SEM1: variants seen among roughly 807,000 people sequenced by gnomAD.
The protein encoded by SEM1 is SEM1 26S proteasome subunit.
A neutral mutation model predicts 12.7 loss-of-function variants in SEM1; 3 were observed. That is an observed-to-expected ratio of 0.24 (90% CI 0.11 to 0.61). SEM1 has a LOEUF of 0.61. Ranked by LOEUF, SEM1 falls within the 20% of genes least tolerant of loss-of-function variation. The probability of loss-of-function intolerance (pLI) is 0.88; values close to 1 mark genes in which losing one functional copy is unlikely to be tolerated. For synonymous variants in SEM1, 30 were observed against 27.8 expected (o/e 1.08, Z -0.25); for missense variants, 59 against 81.3 (o/e 0.73, Z 1.06).
downstream of SEM1, among the ~76,000 whole-genome samples, chr7:96,684,067 CAGG>C (rs1258165321): frequency 6.6e-6 from 1 of 151,996 alleles, no homozygotes; most frequent in Non-Finnish European, 1.5e-5. Flanking sequence ...GCTTGTTTTA[CAGG>C]AGGCCTTGTC....
At chr7:96,563,310 A>G (rs150096592) in intron 2 of SEM1, among the ~76,000 whole-genome samples, 5 of 152,168 alleles carry the variant, frequency 3.3e-5, no homozygotes, top group Admixed American at 1.3e-4. Context: ...AAGCAAGGTC[A>G]TTATTGAGAG....
intron 3 of SEM1, among the ~76,000 whole-genome samples, chr7:96,503,287 G>A (rs1212549279): frequency 6.6e-6 from 1 of 152,110 alleles, no homozygotes; most frequent in Non-Finnish European, 1.5e-5. Context: ...TGAGCAATGA[G>A]CATTTGGCAT....
chr7:96,627,241 C>T (rs1808100493), intron 2 of SEM1, among the ~76,000 whole-genome samples: 2 of 151,606 alleles, frequency 1.3e-5, no homozygotes, highest in South Asian at 4.1e-4. Flanking sequence ...TGTATTGTTT[C>T]CTTCTTTTTT....
chr7:96,588,537 C>T (rs1806729894), intron 2 of SEM1, among the ~76,000 whole-genome samples: 1 of 152,074 alleles, frequency 6.6e-6, no homozygotes, highest in Non-Finnish European at 1.5e-5. Flanking sequence ...AGTACCACTA[C>T]TCTCTTTTCT....
At chr7:96,616,577 T>G (rs1807729027) in intron 2 of SEM1, among the ~76,000 whole-genome samples, 1 of 152,118 alleles carries the variant, frequency 6.6e-6, no homozygotes, top group South Asian at 2.1e-4. Flanking sequence ...TCTATTTTTG[T>G]TTTTGTTGCA....
At chr7:96,591,553 T>G (rs1201597133) in intron 2 of SEM1, among the ~76,000 whole-genome samples, 3 of 152,218 alleles carry the variant, frequency 2.0e-5, no homozygotes, top group Non-Finnish European at 4.4e-5. Flanking sequence ...TATAGCTAGC[T>G]CTACACATGC....
Position 96,528,415 on chromosome 7 carries a change from T to A in SEM1, c.171-21717A>T, listed in dbSNP as rs540698246. ...CCATGTTGCCCAGGCTGGCCTTGAA[T>A]TCCTGGACTCAAGCAATCTGCCCGC... On this transcript the variant is annotated intron_variant and NMD_transcript_variant, in intron 2 of 3. Coordinates refer to the SEM1 transcript ENST00000466986. 2.6e-5 allele frequency among the ~76,000 whole-genome samples: 4 copies of A among 152,166 alleles called. No individual in the cohort carries two copies. The South Asian group carries it at 8.3e-4, about 32-fold the overall frequency.
intron 3 of SEM1, among the ~76,000 whole-genome samples, chr7:96,502,659 C>T (rs764728393): frequency 3.3e-5 from 5 of 152,192 alleles, no homozygotes; most frequent in Non-Finnish European, 5.9e-5. Context: ...TAGCCTAATA[C>T]ATTCTCCATT....
intron 2 of SEM1, among the ~76,000 whole-genome samples, chr7:96,569,944 T>C (rs1264134876): frequency 6.6e-6 from 1 of 152,088 alleles, no homozygotes; most frequent in East Asian, 1.9e-4. Flanking sequence ...TGATGGAAAC[T>C]TAGGTTGATT....
chr7:96,547,463 CAT>C (rs1319630812), intron 2 of SEM1, among the ~76,000 whole-genome samples: 1 of 152,130 alleles, frequency 6.6e-6, no homozygotes, highest in Non-Finnish European at 1.5e-5. Flanking sequence ...TGAAAAGTGG[CAT>C]ATGTTTTCCT....
At chr7:96,515,730 C>A (rs1322945229) in intron 2 of SEM1, among the ~76,000 whole-genome samples, 3 of 152,130 alleles carry the variant, frequency 2.0e-5, no homozygotes, top group Admixed American at 6.6e-5. Flanking sequence ...TTTGCAGGGA[C>A]ATGGATGAAG....
chr7:96,645,093 C>G (rs555764659), intron 2 of SEM1, among the ~76,000 whole-genome samples: 1 of 152,176 alleles, frequency 6.6e-6, no homozygotes, highest in East Asian at 1.9e-4. Flanking sequence ...CATCTTTATA[C>G]TTTTTATCAT....
intron 2 of SEM1, among the ~76,000 whole-genome samples, chr7:96,555,151 C>T (rs1161562873): frequency 1.8e-5 from 2 of 113,382 alleles, no homozygotes; most frequent in African/African-American, 5.0e-5. Flanking sequence ...AAAACCAGCT[C>T]CTGGATTCAT....
intron 1 of SEM1, among the ~76,000 whole-genome samples, chr7:96,491,003 G>C (rs928866038): frequency 2.6e-5 from 4 of 152,178 alleles, no homozygotes; most frequent in Non-Finnish European, 5.9e-5. Context: ...GAGATTACTT[G>C]CAGTTTTTAA....
chr7:96,505,401 G>T (rs1803723156), intron 3 of SEM1, among the ~76,000 whole-genome samples: 1 of 152,058 alleles, frequency 6.6e-6, no homozygotes, highest in African/African-American at 2.4e-5. Context: ...ACTGTGCCTG[G>T]CCTTATAAGG....
intron 1 of SEM1, among the ~76,000 whole-genome samples, chr7:96,703,692 T>C (rs1790343956): frequency 1.3e-5 from 2 of 151,994 alleles, no homozygotes; most frequent in East Asian, 1.9e-4. Flanking sequence ...GGCTCACCTG[T>C]AATCCCAGCA....
intron 2 of SEM1, among the ~76,000 whole-genome samples, chr7:96,690,190 C>A (rs894993878): frequency 1.3e-5 from 2 of 152,032 alleles, no homozygotes; most frequent in Non-Finnish European, 2.9e-5. Flanking sequence ...AGTAATTTTA[C>A]AACTTTCTTA....
chr7:96,606,162 T>C (rs1413278823), intron 2 of SEM1, among the ~76,000 whole-genome samples: 2 of 152,194 alleles, frequency 1.3e-5, no homozygotes, highest in African/African-American at 4.8e-5. Flanking sequence ...TTAAACTTCA[T>C]CATAGGTATG....
chr7:96,686,118 T>C (rs977423294), downstream of SEM1, among the ~76,000 whole-genome samples: 5 of 152,134 alleles, frequency 3.3e-5, no homozygotes, highest in Admixed American at 3.3e-4. Context: ...GACAAAATTG[T>C]TTACAATAAA....
Sources: allele counts gnomAD v4.1 joint callset (sites outside exome capture counted in the v4.1 genomes callset), GRCh38; gene constraint gnomAD v4.1.1; transcripts MANE v1.5; gene names NCBI Gene and HGNC (gene_info 2026-07-23, HGNC 2026-07-21).